NBAS: variants seen among roughly 807,000 people sequenced by gnomAD.
The protein encoded by NBAS is NBAS subunit of NRZ tethering complex, also known as NAG/BC035112 fusion.
In NBAS, 219 loss-of-function variants were observed where a neutral mutation model predicts 302.5. The observed-to-expected ratio is 0.72, with a 90% CI of 0.65 to 0.81. NBAS has a LOEUF of 0.81. NBAS is among the 30% of genes least tolerant of loss of function. The pLI is 0.00. For synonymous variants in NBAS, 1,118 were observed against 1,021.6 expected (o/e 1.09, Z -1.80); for missense variants, 2,932 against 2,841.6 (o/e 1.03, Z -0.72).
chr2:14,866,791 T>C, the NBAS span, among the ~76,000 whole-genome samples: 2 of 152,218 alleles, frequency 1.3e-5, no homozygotes, highest in African/African-American at 2.4e-5. Flanking sequence ...GCAGATTTAA[T>C]GTCAATCAAC....
chr2:15,377,679 G>T (rs1221531914), intron 30 of NBAS, among the ~76,000 whole-genome samples: 1 of 152,108 alleles, frequency 6.6e-6, no homozygotes, highest in Non-Finnish European at 1.5e-5. Context: ...ACAATGAAAA[G>T]GTGTACTAAA....
chr2:15,260,712 T>C (rs898846083), intron 44 of NBAS, among the ~76,000 whole-genome samples: 3 of 152,324 alleles, frequency 2.0e-5, no homozygotes, highest in East Asian at 1.9e-4. Flanking sequence ...ACTCCTCTGA[T>C]GTATGTCGTC....
the NBAS span, among the ~76,000 whole-genome samples, chr2:15,128,215 A>T: frequency 2.6e-5 from 4 of 152,214 alleles, no homozygotes; most frequent in Non-Finnish European, 5.9e-5. Context: ...ACCTGGCCTG[A>T]ACTAAGTACT....
chr2:15,391,173 T>C (rs1365531161), intron 28 of NBAS, among the ~76,000 whole-genome samples: 1 of 152,026 alleles, frequency 6.6e-6, no homozygotes, highest in East Asian at 1.9e-4. Flanking sequence ...AAGAAAAAAT[T>C]ATTCAAAACC....
the NBAS span, among the ~76,000 whole-genome samples, chr2:14,886,493 T>C: frequency 4.6e-5 from 7 of 152,202 alleles, no homozygotes; most frequent in African/African-American, 1.4e-4. Flanking sequence ...GGTGTTTCTG[T>C]TCATCGGCTA....
chr2:15,063,802 A>C, the NBAS span, among the ~76,000 whole-genome samples: 1 of 152,146 alleles, frequency 6.6e-6, no homozygotes, highest in East Asian at 1.9e-4. Flanking sequence ...CTCAGGAGAA[A>C]CCACATGACC....
At chr2:15,329,937 C>A (rs1014254232) in intron 36 of NBAS, among the ~76,000 whole-genome samples, 1 of 152,126 alleles carries the variant, frequency 6.6e-6, no homozygotes, top group South Asian at 2.1e-4. Context: ...TCTGTGTCTC[C>A]CTCACTGACA....
chr2:15,061,065 A>G, the NBAS span, among the ~76,000 whole-genome samples: 1 of 152,236 alleles, frequency 6.6e-6, no homozygotes, highest in Non-Finnish European at 1.5e-5. Flanking sequence ...CTTGCTTCTG[A>G]GAGAGGCTGG....
intron 39 of NBAS, among the ~76,000 whole-genome samples, chr2:15,308,691 A>G (rs1341227269): frequency 6.6e-6 from 1 of 152,082 alleles, no homozygotes. Context: ...AACTTCCAAC[A>G]CTATGTTGAA....
intron 12 of NBAS, chr2:15,483,405 A>AGACATAAGT (rs1176189205): frequency 3.0e-5 from 12 of 406,352 alleles, no homozygotes; most frequent in African/African-American, 2.1e-4. Flanking sequence ...ATGACAATGA[A>AGACATAAGT]GACATAAGTT....
At chr2:15,138,780 G>A in the NBAS span, among the ~76,000 whole-genome samples, 1 of 152,230 alleles carries the variant, frequency 6.6e-6, no homozygotes, top group Non-Finnish European at 1.5e-5. Flanking sequence ...TTTGTGCAGT[G>A]GCTGAACTGG....
intron 6 of NBAS, among the ~76,000 whole-genome samples, chr2:15,544,155 T>C (rs887704451): frequency 1.3e-5 from 2 of 152,178 alleles, no homozygotes; most frequent in African/African-American, 4.8e-5. Context: ...CTCATATATA[T>C]ACATTCTTTA....
intron 49 of NBAS, among the ~76,000 whole-genome samples, chr2:15,189,607 G>A (rs1231874302): frequency 1.3e-5 from 2 of 152,130 alleles, no homozygotes; most frequent in African/African-American, 4.8e-5. Context: ...TCTTCCAAAG[G>A]AAAGGGGTAT....
chr2:14,888,406 C>T, the NBAS span, among the ~76,000 whole-genome samples: 4 of 151,956 alleles, frequency 2.6e-5, no homozygotes, highest in Non-Finnish European at 5.9e-5. Flanking sequence ...GCTGGGATTA[C>T]AGGCGTGAGC....
the NBAS span, among the ~76,000 whole-genome samples, chr2:14,899,002 G>T: frequency 6.6e-6 from 1 of 152,054 alleles, no homozygotes; most frequent in Non-Finnish European, 1.5e-5. Flanking sequence ...TGGCTAAATG[G>T]GTCTCATCTG....
chr2:15,286,745 T>C (rs890599877), intron 42 of NBAS, among the ~76,000 whole-genome samples: 2 of 152,254 alleles, frequency 1.3e-5, no homozygotes, highest in African/African-American at 4.8e-5. Context: ...CACATTTGCC[T>C]ATGTCATTAT....
the NBAS span, among the ~76,000 whole-genome samples, chr2:15,022,599 C>T: frequency 6.6e-6 from 1 of 152,106 alleles, no homozygotes; most frequent in South Asian, 2.1e-4. Flanking sequence ...AAAATGAATC[C>T]ATTATCCACC....
chr2:15,317,084 A>G (rs1321753956), intron 38 of NBAS, among the ~76,000 whole-genome samples: 4 of 152,192 alleles, frequency 2.6e-5, no homozygotes, highest in Non-Finnish European at 5.9e-5. Flanking sequence ...TGCAGCCTCC[A>G]TTGGTGATGA....
At chr2:15,406,301 G>A (rs1482887311) in intron 25 of NBAS, among the ~76,000 whole-genome samples, 1 of 151,958 alleles carries the variant, frequency 6.6e-6, no homozygotes, top group Non-Finnish European at 1.5e-5. Flanking sequence ...TGACAAAGGT[G>A]GCATTTCAAA....
Sources: allele counts gnomAD v4.1 joint callset (sites outside exome capture counted in the v4.1 genomes callset), GRCh38; gene constraint gnomAD v4.1.1; transcripts MANE v1.5; gene names NCBI Gene and HGNC (gene_info 2026-07-23, HGNC 2026-07-21).